XKR9: variants seen among roughly 807,000 people sequenced by gnomAD.
The protein encoded by XKR9 is XK related 9, also known as XK-related protein 9.
XKR9 carries 32 observed loss-of-function variants against 32.0 expected under a neutral mutation model. The ratio of observed to expected loss-of-function variants is 1.00; its 90% CI spans 0.76 to 1.34. XKR9 has a LOEUF of 1.34. Ranked by LOEUF, XKR9 falls within the 40% of genes most tolerant of loss-of-function variation. The pLI is 0.00. For synonymous variants in XKR9, 168 were observed against 143.4 expected, an observed-to-expected ratio of 1.17 and a Z score of -1.22; for missense variants, 546 against 429.7, an observed-to-expected ratio of 1.27 and a Z score of -2.39.
In XKR9 at chr8:70,671,427, C is replaced by T. The variant is rs1374513328; in HGVS notation, c.-361+1889C>T. On this transcript the variant is annotated intron_variant, in intron 1 of 4. Transcript: ENST00000408926. ...ATACATGTGCCATGCTGGTGCGCTG[C>T]ACCCACTAATGTGTCATCTAGCATT... is the stretch of plus-strand genomic sequence containing the variant. 1.1e-4 allele frequency among the ~76,000 whole-genome samples: 11 copies of T among 100,548 alleles called. 2 individuals carry two copies. Among genetic ancestry groups the T allele is most frequent in the African/African-American group, 3.5e-4 (11 of 31,494 alleles). The allele number at this position is 100,548 out of a possible 152,430, so 66.0% of individuals were successfully genotyped here. A position where few individuals can be genotyped will look rare whatever the true frequency, so the allele number is the denominator to read the frequency against.
the XKR9 span, among the ~76,000 whole-genome samples, chr8:71,041,702 G>C: frequency 6.6e-6 from 1 of 152,056 alleles, no homozygotes; most frequent in Non-Finnish European, 1.5e-5. Context: ...AGATCTGATG[G>C]TTTAAAAGTG....
At chr8:70,878,537 A>G in the XKR9 span, among the ~76,000 whole-genome samples, 1 of 152,214 alleles carries the variant, frequency 6.6e-6, no homozygotes, top group African/African-American at 2.4e-5. Context: ...TTAAACCAAC[A>G]AAGATCAAAA....
chr8:70,866,734 C>T, the XKR9 span, among the ~76,000 whole-genome samples: 42 of 152,050 alleles, frequency 2.8e-4, no homozygotes, highest in African/African-American at 9.9e-4. Flanking sequence ...CATCACCCCC[C>T]TTGGCCTCCC....
the XKR9 span, among the ~76,000 whole-genome samples, chr8:70,827,230 T>G: frequency 1.3e-5 from 2 of 152,180 alleles, no homozygotes; most frequent in Non-Finnish European, 2.9e-5. Flanking sequence ...CACACACATA[T>G]ATATGTGTAC....
At chr8:70,812,079 A>C in the XKR9 span, among the ~76,000 whole-genome samples, 2 of 152,172 alleles carry the variant, frequency 1.3e-5, no homozygotes, top group African/African-American at 4.8e-5. Flanking sequence ...AGCACATCAA[A>C]AAGCTTATCC....
intron 2 of XKR9, among the ~76,000 whole-genome samples, chr8:70,749,290 A>G (rs1336398421): frequency 6.6e-6 from 1 of 151,748 alleles, no homozygotes; most frequent in Non-Finnish European, 1.5e-5. Context: ...AACATGCTCC[A>G]TGCCTGCCAC....
intron 3 of XKR9, among the ~76,000 whole-genome samples, chr8:70,694,749 G>A (rs1189314075): frequency 2.6e-5 from 4 of 152,242 alleles, no homozygotes; most frequent in Admixed American, 2.6e-4. Flanking sequence ...GTGAGGTGCT[G>A]TGGAAATGGG....
At chr8:71,004,456 C>T in the XKR9 span, among the ~76,000 whole-genome samples, 1 of 152,178 alleles carries the variant, frequency 6.6e-6, no homozygotes, top group Non-Finnish European at 1.5e-5. Flanking sequence ...GAAAGACAAA[C>T]AATTGTAAGA....
chr8:71,038,423 C>T, the XKR9 span, among the ~76,000 whole-genome samples: 4 of 149,834 alleles, frequency 2.7e-5, no homozygotes, highest in Non-Finnish European at 5.9e-5. Context: ...CAGGTTCAAG[C>T]GATTCTCCTG....
At chr8:70,669,621 TGTGTGTGTGTGTGTGTGTAGTA>T (rs1238642476) in intron 1 of XKR9, 83 bp downstream of exon 1, 2 of 110,712 alleles carry the variant, frequency 1.8e-5, no homozygotes, top group Non-Finnish European at 3.9e-5. Context: ...TGTGTGTGTG[TGTGTGTGTGTGTGTGTGTAGTA>T]GTAGTAGTAG....
the XKR9 span, among the ~76,000 whole-genome samples, chr8:70,964,513 G>C: frequency 1.3e-5 from 2 of 152,300 alleles, no homozygotes; most frequent in South Asian, 4.1e-4. Context: ...AATATCAATG[G>C]TAGTTTAATA....
the XKR9 span, among the ~76,000 whole-genome samples, chr8:70,912,092 G>A: frequency 6.6e-6 from 1 of 152,146 alleles, no homozygotes. Flanking sequence ...GTTACAAAAG[G>A]CAGAGAGAAA....
At chr8:70,794,430 T>C (rs1010070897), downstream of XKR9, among the ~76,000 whole-genome samples, 2 of 152,088 alleles carry the variant, frequency 1.3e-5, no homozygotes, top group African/African-American at 4.8e-5. Context: ...CTCTTACTTC[T>C]TACCTTAGGC....
At chr8:70,814,300 G>T in the XKR9 span, among the ~76,000 whole-genome samples, 2 of 152,044 alleles carry the variant, frequency 1.3e-5, no homozygotes, top group Non-Finnish European at 2.9e-5. Context: ...TGTGGGGTGG[G>T]GGAAAGGGGG....
At chr8:70,993,459 T>TG in the XKR9 span, among the ~76,000 whole-genome samples, 7 of 152,158 alleles carry the variant, frequency 4.6e-5, no homozygotes, top group Admixed American at 4.6e-4. Flanking sequence ...CCCCTGACAG[T>TG]GTCCCAAAAA....
At chr8:70,867,099 G>A in the XKR9 span, among the ~76,000 whole-genome samples, 1 of 152,256 alleles carries the variant, frequency 6.6e-6, no homozygotes, top group East Asian at 1.9e-4. Flanking sequence ...ACAGTTCCAC[G>A]TGGCTGGGGA....
chr8:70,731,421 A>T (rs1806660207), intron 4 of XKR9, among the ~76,000 whole-genome samples: 1 of 152,004 alleles, frequency 6.6e-6, no homozygotes, highest in Non-Finnish European at 1.5e-5. Context: ...GATGTGCCAT[A>T]GCTGTGGGGT....
chr8:70,960,114 G>A, the XKR9 span, among the ~76,000 whole-genome samples: 1 of 152,004 alleles, frequency 6.6e-6, no homozygotes, highest in Admixed American at 6.6e-5. Flanking sequence ...GTGTGGTGGT[G>A]CATGCCTGTA....
chr8:70,793,384 T>A (rs1807789086), downstream of XKR9, among the ~76,000 whole-genome samples: 1 of 151,998 alleles, frequency 6.6e-6, no homozygotes, highest in Non-Finnish European at 1.5e-5. Flanking sequence ...AATGAGTTAT[T>A]TTGGGAATTG....
Sources: allele counts gnomAD v4.1 joint callset (sites outside exome capture counted in the v4.1 genomes callset), GRCh38; gene constraint gnomAD v4.1.1; transcripts MANE v1.5; gene names NCBI Gene and HGNC (gene_info 2026-07-23, HGNC 2026-07-21).